Variants in WDTC1 observed in about 807,000 individuals in gnomAD.
WDTC1 encodes the protein WD and tetratricopeptide repeats 1.
A neutral mutation model predicts 76.0 loss-of-function variants in WDTC1; 12 were observed. That is an observed-to-expected ratio of 0.16 (90% CI 0.10 to 0.26). The LOEUF (loss-of-function observed/expected upper bound fraction) is 0.26. WDTC1 is among the 10% of genes least tolerant of loss of function. The pLI is 1.00. For synonymous variants in WDTC1, 326 were observed against 350.8 expected (o/e 0.93, Z 0.79); for missense variants, 511 against 908.8 (o/e 0.56, Z 5.63).
At chr1:27,289,688 G>A (rs1377240325) in intron 6 of WDTC1, among the ~76,000 whole-genome samples, 4 of 152,176 alleles carry the variant, frequency 2.6e-5, no homozygotes, top group East Asian at 1.9e-4. Context: ...ACTCCAGCCT[G>A]GGCACCATTG....
rs968705454 is a variant in WDTC1, at chr1:27,301,924, C to T, written c.1468+463C>T. Reference sequence around the variant, plus strand: ...GCCTCAGGCTTGGAATGTGGGGCCTCGGTTCCAAATGCAGCTCCACCACCT... The same window carrying T: ...GCCTCAGGCTTGGAATGTGGGGCCTTGGTTCCAAATGCAGCTCCACCACCT... On this transcript the variant is annotated intron_variant, in intron 13 of 15. Transcript: ENST00000319394. The surrounding 1 kb of genome is among the most constrained non-coding windows in gnomAD (Gnocchi z 5.8). Among the ~76,000 whole-genome samples the T allele has an allele frequency of 3.3e-5, 5 of 152,124 alleles. No individual in the cohort carries two copies. The highest frequency in any genetic ancestry group is 5.9e-5 in the Non-Finnish European group (4 of 68,008).
intron 1 of WDTC1, among the ~76,000 whole-genome samples, chr1:27,244,583 G>A (rs561132190): frequency 6.6e-6 from 1 of 152,246 alleles, no homozygotes; most frequent in South Asian, 2.1e-4. Flanking sequence ...CGGCCTTCAA[G>A]TGATCCTCCT....
intron 6 of WDTC1, among the ~76,000 whole-genome samples, chr1:27,290,529 T>C (rs2013507510): frequency 6.6e-6 from 1 of 152,230 alleles, no homozygotes; most frequent in Admixed American, 6.5e-5. Flanking sequence ...ATAGAGCCGC[T>C]TGATACATTT....
At chr1:27,248,494 A>T (rs1256855207) in intron 1 of WDTC1, among the ~76,000 whole-genome samples, 1 of 151,634 alleles carries the variant, frequency 6.6e-6, no homozygotes, top group Non-Finnish European at 1.5e-5. Context: ...ACTTGATGGG[A>T]TTGTTTTTTT....
At position 27,305,070 on chromosome 1, in the gene WDTC1, C is replaced by T. The variant is rs1387578475; in HGVS notation, c.1713C>T (p.Asn571=). The change falls in exon 15 of 16, where the codon AAC becomes AAT. Residue 571 remains asparagine, a synonymous_variant. Coordinates refer to ENST00000319394, the MANE Select transcript of WDTC1 (RefSeq NM_001276252.2). The surrounding 1 kb of genome is among the most constrained non-coding windows in gnomAD (Gnocchi z 4.6). ...TCATCTGGGAAAAGGAGACCACCAA[C>T]CTGGTCCGTGTGCTCCAAGGGGATG... ...SFFIWEKETT[N]LVRVLQGDES... 1 of 1,614,080 alleles carries T rather than the reference C, an allele frequency of 6.2e-7. No homozygotes were observed. The highest frequency in any genetic ancestry group is 1.7e-5 in the Admixed American group (1 of 60,020).
intron 8 of WDTC1, 51 bp from the exon 9 acceptor site, chr1:27,294,463 G>A (rs17340642): frequency 0.033 from 48,900 of 1,504,406 alleles, 996 homozygotes; most frequent in Middle Eastern, 0.047. Flanking sequence ...ACAATCTCAT[G>A]CCCCTTTGAA....
chr1:27,243,854 G>C (rs1035980921), intron 1 of WDTC1, among the ~76,000 whole-genome samples: 7 of 151,810 alleles, frequency 4.6e-5, no homozygotes, highest in Admixed American at 2.6e-4. Flanking sequence ...GGTCTGGCAT[G>C]GTGACTCATG....
chr1:27,242,547 G>A (rs2011662184), intron 1 of WDTC1, among the ~76,000 whole-genome samples: 1 of 151,736 alleles, frequency 6.6e-6, no homozygotes, highest in Non-Finnish European at 1.5e-5. Flanking sequence ...TCGGCTCACT[G>A]CAACCTCTGC....
chr1:27,281,439 CAAA>C (rs891009695), intron 3 of WDTC1, among the ~76,000 whole-genome samples: 2 of 61,238 alleles, frequency 3.3e-5, no homozygotes, highest in Admixed American at 1.8e-4. Context: ...GACTCTGTCT[CAAA>C]AAAAAAAAAA....
rs373726712 is a variant in WDTC1, at chr1:27,261,089, G to C, written c.35G>C (p.Arg12Pro). ...GTCAACATAACTAGAGACCTCATCC[G>C]TAGGCAGATCAAGGTAAGCAGCCCA... ...AKVNITRDLI[R>P]RQIKERGALS... The change falls in exon 2 of 16, where the codon CGT (arginine) becomes CCT (proline). Residue 12 changes from arginine (R) to proline (P), a missense_variant. Physicochemically the swap from Arg to Pro is moderately radical, Grantham distance 103 (BLOSUM62 -2). Coordinates refer to ENST00000319394, the MANE Select transcript of WDTC1 (RefSeq NM_001276252.2). The C allele has an allele frequency of 6.2e-7, 1 of 1,614,088 alleles. No homozygotes were observed. Among genetic ancestry groups the C allele is most frequent in the Non-Finnish European group, 8.5e-7 (1 of 1,179,984 alleles).
intron 9 of WDTC1, among the ~76,000 whole-genome samples, chr1:27,295,379 G>T (rs1484074687): frequency 1.3e-5 from 2 of 152,202 alleles, no homozygotes; most frequent in African/African-American, 2.4e-5. Flanking sequence ...GAAAAGCTCA[G>T]GAGTAGTGCT....
At chr1:27,295,860 G>C (rs2013669619) in intron 9 of WDTC1, among the ~76,000 whole-genome samples, 1 of 152,064 alleles carries the variant, frequency 6.6e-6, no homozygotes, top group South Asian at 2.1e-4. Flanking sequence ...CGACATCCCA[G>C]GCTCAAGTGA....
At chr1:27,235,129 G>A (rs1028939808) in intron 1 of WDTC1, among the ~76,000 whole-genome samples, 178 bp downstream of exon 1, 5 of 152,042 alleles carry the variant, frequency 3.3e-5, no homozygotes, top group Non-Finnish European at 5.9e-5. Context: ...CGCCGGGGCG[G>A]AGGGCAGAGT....
chr1:27,277,061 C>T (rs2013052610), intron 3 of WDTC1, among the ~76,000 whole-genome samples: 1 of 149,968 alleles, frequency 6.7e-6, no homozygotes, highest in Admixed American at 6.7e-5. Flanking sequence ...GATATGGGAT[C>T]TGTCTCTGTA....
At chr1:27,276,150 A>G (rs941136075) in intron 3 of WDTC1, among the ~76,000 whole-genome samples, 3 of 152,180 alleles carry the variant, frequency 2.0e-5, no homozygotes, top group South Asian at 2.1e-4. Flanking sequence ...GGTTGTTTCT[A>G]TTTTTTGGCT....
At chr1:27,240,653 T>C (rs987708954) in intron 1 of WDTC1, among the ~76,000 whole-genome samples, 1 of 152,050 alleles carries the variant, frequency 6.6e-6, no homozygotes, top group Non-Finnish European at 1.5e-5. Context: ...TTGAAGGGCT[T>C]TGTGGCATTG....
Position 27,304,056 on chromosome 1 carries a change from C to T in WDTC1, c.1643+261C>T, listed in dbSNP as rs983691357. The T allele has an allele frequency of 1.2e-5, 5 of 415,232 alleles. No homozygotes were observed. The Admixed American group carries it at 2.5e-4, about 21-fold the overall frequency. The allele number at this position is 415,232 out of a possible 1,614,324, so 25.7% of individuals were successfully genotyped here. A position where few individuals can be genotyped will look rare whatever the true frequency, so the allele number is the denominator to read the frequency against. On this transcript the variant is annotated intron_variant, in intron 14 of 15. Coordinates refer to ENST00000319394, the MANE Select transcript of WDTC1 (RefSeq NM_001276252.2). ...CTCCAGCGCAGTGCCTGAACTACTC[C>T]TTCATCCCCCACCTCCTTCTCCCTC... is the stretch of plus-strand genomic sequence containing the variant.
chr1:27,235,394 CTGTGTGTGTGTG>C (rs139665541), intron 1 of WDTC1, among the ~76,000 whole-genome samples: 2,257 of 141,210 alleles, frequency 0.016, 21 homozygotes, highest in Middle Eastern at 0.028. Flanking sequence ...CTCTCTCTTT[CTGTGTGTGTGTG>C]TGTGTGTGTG....
At chr1:27,300,770 G>C (rs1285764817) in intron 12 of WDTC1, among the ~76,000 whole-genome samples, 1 of 152,142 alleles carries the variant, frequency 6.6e-6, no homozygotes, top group Non-Finnish European at 1.5e-5. Context: ...GACACTTCTG[G>C]CTTCCCCAGA....
Sources: gnomAD v4.1 joint callset for allele counts (sites outside exome capture counted in the v4.1 genomes callset) on GRCh38, gnomAD v4.1.1 for gene constraint, Gnocchi (gnomAD v3.1) non-coding constraint, MANE v1.5 for transcripts, NCBI Gene and HGNC (gene_info 2026-07-23, HGNC 2026-07-21) for gene names.